The following LRFN5 variants were observed in gnomAD, a reference collection of about 807,000 sequenced individuals.
LRFN5 encodes the protein leucine rich repeat and fibronectin type III domain containing 5.
LRFN5 carries 24 observed loss-of-function variants against 45.6 expected under a neutral mutation model. That is an observed-to-expected ratio of 0.53 (90% CI 0.38 to 0.74). The LOEUF (loss-of-function observed/expected upper bound fraction) is 0.74, where lower values mean the gene tolerates loss of function less well. LRFN5 is among the 30% of genes least tolerant of loss of function. The pLI, the probability that LRFN5 is intolerant of heterozygous loss-of-function variation, is 0.00. For synonymous variants in LRFN5, 340 were observed against 313.8 expected (o/e 1.08, Z -0.88); for missense variants, 776 against 861.5 (o/e 0.90, Z 1.24).
chr14:41,838,727 T>C (rs1449391144), intron 2 of LRFN5, among the ~76,000 whole-genome samples: 1 of 152,156 alleles, frequency 6.6e-6, no homozygotes, highest in Non-Finnish European at 1.5e-5. Context: ...GTGTCTTAGA[T>C]ATGAATGAAT....
intron 1 of LRFN5, among the ~76,000 whole-genome samples, chr14:41,740,847 T>G (rs1884659181): frequency 6.6e-6 from 1 of 152,082 alleles, no homozygotes. Flanking sequence ...ATCAAAGACC[T>G]ATTAGAACTG....
intron 2 of LRFN5, among the ~76,000 whole-genome samples, chr14:41,824,861 T>A (rs1566467153): frequency 6.6e-6 from 1 of 152,106 alleles, no homozygotes; most frequent in Non-Finnish European, 1.5e-5. Context: ...CACTGTGGTC[T>A]CTGCAAGGGG....
rs199770856 is a variant in LRFN5 at position 41,610,661 on chromosome 14, T to TAAAAAAAAAAAAAAAAAAAAAAAAA, written c.-197+2121_-197+2122insAAAAAAAAAAAAAAAAAAAAAAAAA. On this transcript the variant is annotated intron_variant, in intron 1 of 5. Transcript: ENST00000298119. The stretch of plus-strand genomic sequence containing the variant: ...TACCCCTCTGAGGTCCCAGGGAAGG[T>TAAAAAAAAAAAAAAAAAAAAAAAAA]AAAAAAAAAAAAAAAAAAAAAAGTG... Among the ~76,000 whole-genome samples the TAAAAAAAAAAAAAAAAAAAAAAAAA allele has an allele frequency of 1.4e-3, 52 of 37,316 alleles. 10 individuals are homozygous for TAAAAAAAAAAAAAAAAAAAAAAAAA. The highest frequency in any genetic ancestry group is 2.9e-3 in the Non-Finnish European group (42 of 14,712). 24.5% of individuals were successfully genotyped at this position (37,316 alleles called of 152,430 possible).
intron 1 of LRFN5, among the ~76,000 whole-genome samples, chr14:41,653,605 T>C (rs1014143341): frequency 3.3e-5 from 5 of 152,176 alleles, no homozygotes; most frequent in East Asian, 1.9e-4. Flanking sequence ...TTTTGGCTTA[T>C]ACTAAAAAGT....
intron 1 of LRFN5, among the ~76,000 whole-genome samples, chr14:41,681,642 G>A (rs1366741294): frequency 2.6e-5 from 4 of 151,970 alleles, no homozygotes; most frequent in Non-Finnish European, 4.4e-5. Flanking sequence ...AAATGCTAAA[G>A]GGAGTTCTTC....
chr14:41,784,777 C>CA (rs1202755294), intron 2 of LRFN5, among the ~76,000 whole-genome samples: 2 of 151,944 alleles, frequency 1.3e-5, no homozygotes, highest in Non-Finnish European at 2.9e-5. Flanking sequence ...TACAGGTACG[C>CA]ACCACTATAC....
At chr14:41,808,712 A>G (rs964253129) in intron 2 of LRFN5, among the ~76,000 whole-genome samples, 1 of 152,098 alleles carries the variant, frequency 6.6e-6, no homozygotes, top group Non-Finnish European at 1.5e-5. Flanking sequence ...ATAAATCAAA[A>G]TAAGTAAAAC....
intron 1 of LRFN5, among the ~76,000 whole-genome samples, chr14:41,651,912 T>C (rs78867355): frequency 7.6e-4 from 115 of 152,266 alleles, no homozygotes; most frequent in African/African-American, 2.6e-3. Flanking sequence ...GGCTTTCTTC[T>C]CCCTTTGTCT....
At chr14:41,657,059 C>T (rs1315651176) in intron 1 of LRFN5, among the ~76,000 whole-genome samples, 9 of 151,812 alleles carry the variant, frequency 5.9e-5, no homozygotes, top group African/African-American at 2.2e-4. Flanking sequence ...CCAAGAGAGA[C>T]TAAGTCATAG....
In LRFN5 at chr14:41,843,630, A is replaced by G. The variant is rs183552609; in HGVS notation, c.-20-42976A>G. ...AGCATTCGAGATTCCTTTTTTTACC[A>G]TAGGGATATACTGTTGCTCCAGCAC... On this transcript the variant is annotated intron_variant, in intron 2 of 5. Coordinates refer to ENST00000298119, the MANE Select transcript of LRFN5 (RefSeq NM_152447.5). Among the ~76,000 whole-genome samples, 4 of 152,178 alleles carry G rather than the reference A, an allele frequency of 2.6e-5. No individual in the cohort carries two copies. The East Asian group carries it at 7.7e-4, about 29-fold the overall frequency.
intron 2 of LRFN5, among the ~76,000 whole-genome samples, chr14:41,859,962 C>T (rs539279899): frequency 4.6e-5 from 7 of 152,206 alleles, no homozygotes; most frequent in African/African-American, 1.7e-4. Context: ...TAGTGTGGTT[C>T]ACAGGCAAAG....
intron 2 of LRFN5, among the ~76,000 whole-genome samples, chr14:41,808,400 AAAGGAAGAAAGGAAGG>A (rs1566456431): frequency 1.6e-5 from 1 of 61,326 alleles, no homozygotes; most frequent in African/African-American, 6.8e-5. Context: ...GGAAAGGAAG[AAAGGAAGAAAGGAAGG>A]AAGGAAGGAA....
chr14:41,897,905 C>T (rs1207482435), intron 4 of LRFN5, among the ~76,000 whole-genome samples: 3 of 151,994 alleles, frequency 2.0e-5, no homozygotes, highest in Non-Finnish European at 4.4e-5. Context: ...AGGCTATGTA[C>T]ATATTATGTT....
intron 1 of LRFN5, among the ~76,000 whole-genome samples, chr14:41,698,456 A>G (rs1013931610): frequency 3.3e-5 from 5 of 152,018 alleles, no homozygotes; most frequent in Non-Finnish European, 5.9e-5. Context: ...TTATTTGCAT[A>G]TTAGTATCAT....
chr14:41,816,085 A>G (rs1004056249), intron 2 of LRFN5, among the ~76,000 whole-genome samples: 1 of 151,904 alleles, frequency 6.6e-6, no homozygotes, highest in Admixed American at 6.6e-5. Flanking sequence ...TGAGTTTTAT[A>G]TTTCTATTTT....
At chr14:41,742,162 G>T (rs1884724742) in intron 1 of LRFN5, among the ~76,000 whole-genome samples, 1 of 151,674 alleles carries the variant, frequency 6.6e-6, no homozygotes, top group South Asian at 2.1e-4. Context: ...GTTACTTTTG[G>T]ATATATAGCC....
intron 2 of LRFN5, among the ~76,000 whole-genome samples, chr14:41,798,747 A>G (rs1887221311): frequency 6.6e-6 from 1 of 151,990 alleles, no homozygotes; most frequent in Admixed American, 6.6e-5. Flanking sequence ...AATCTTTTGC[A>G]ACTTATGCCT....
At chr14:41,820,065 G>T (rs1888061234) in intron 2 of LRFN5, among the ~76,000 whole-genome samples, 1 of 151,640 alleles carries the variant, frequency 6.6e-6, no homozygotes, top group South Asian at 2.1e-4. Context: ...CCATTCTGTA[G>T]GTTGTCTGAT....
At chr14:41,761,593 G>A (rs1343493278) in intron 1 of LRFN5, among the ~76,000 whole-genome samples, 1 of 151,988 alleles carries the variant, frequency 6.6e-6, no homozygotes, top group East Asian at 1.9e-4. Flanking sequence ...CATTTACATT[G>A]TCAGAGCACA....
Sources: gnomAD v4.1 joint callset for allele counts (sites outside exome capture counted in the v4.1 genomes callset) on GRCh38, gnomAD v4.1.1 for gene constraint, MANE v1.5 for transcripts, NCBI Gene and HGNC (gene_info 2026-07-23, HGNC 2026-07-21) for gene names.